Variants in DDX19A observed in about 807,000 individuals in gnomAD.
DDX19A encodes the protein DEAD-box helicase 19A, also known as ATP-dependent RNA helicase DDX19A.
DDX19A carries 12 observed loss-of-function variants against 60.6 expected under a neutral mutation model. That is an observed-to-expected ratio of 0.20 (90% confidence interval 0.13 to 0.32). The LOEUF is 0.32. DDX19A is among the 10% of genes least tolerant of loss of function. The pLI is 1.00. For synonymous variants in DDX19A, 206 were observed against 218.2 expected (o/e 0.94, Z 0.49); for missense variants, 337 against 600.6 (o/e 0.56, Z 4.59).
chr16:70,369,176 T>G (rs959962024), intron 9 of DDX19A, among the ~76,000 whole-genome samples: 3 of 119,296 alleles, frequency 2.5e-5, no homozygotes, highest in East Asian at 2.3e-4. Context: ...CAATCTGGTT[T>G]TTTTTTTTTT....
chr16:70,370,224 C>T lies in DDX19A; in HGVS notation c.1022C>T (p.Thr341Ile), dbSNP rs1198924072. 4.4e-6 allele frequency: 7 copies of T among 1,603,046 alleles called. No individual in the cohort carries two copies. Among genetic ancestry groups the T allele is most frequent in the African/African-American group, 1.4e-5 (1 of 73,858 alleles). ...TIAQAMIFCH[T>I]RKTASWLAAE... ...TCTCAATTGTTTTTTTTCTTCCAGA[C>T]TCGCAAAACAGCTAGTTGGCTGGCA... The change falls in exon 10 of 12, where the codon ACT becomes ATT. Residue 341 changes from threonine to isoleucine, a missense_variant and splice_region_variant. This residue lies in a region of DDX19A where 117 missense variants were observed against 274.3 expected (regional missense o/e 0.43). Transcript: ENST00000302243.
chr16:70,347,367 G>T (rs1341426336), intron 1 of DDX19A: 3 of 413,036 alleles, frequency 7.3e-6, no homozygotes, highest in Non-Finnish European at 1.3e-5. Context: ...TTCATTACGC[G>T]ACTGTTCTTC....
chr16:70,370,181 T>A, intron 9 of DDX19A, 42 bp from the exon 10 acceptor site: 1 of 1,588,962 alleles, frequency 6.3e-7, no homozygotes, highest in Non-Finnish European at 8.5e-7. Flanking sequence ...AAAAAATATA[T>A]ACTCAAATAC....
intron 4 of DDX19A, among the ~76,000 whole-genome samples, chr16:70,360,321 CTT>C (rs1555552998): frequency 4.5e-5 from 6 of 133,472 alleles, no homozygotes; most frequent in Admixed American, 7.7e-5. Context: ...TTCTTTCTTT[CTT>C]TTTTTTTTTT....
rs770451690 is a variant in DDX19A, at chr16:70,372,012, G to T, written c.*26G>T. The T allele has an allele frequency of 6.2e-7, 1 of 1,613,994 alleles. No homozygotes were observed. Among genetic ancestry groups the T allele is most frequent in the East Asian group, 2.2e-5 (1 of 44,886 alleles). On this transcript the variant is annotated 3_prime_UTR_variant, in exon 12 of 12. Transcript: ENST00000302243. ...GAAGCTCCACCAGCCACTGATGCCA[G>T]CCCTGGCACTGCCCCTGCACAGGAG...
rs548919604 is a variant in DDX19A, at chr16:70,353,918, A to C, written c.107-1567A>C. 2.6e-4 allele frequency among the ~76,000 whole-genome samples: 40 copies of C among 151,128 alleles called. 1 individual carries two copies. In the East Asian group the frequency reaches 4.1e-3, roughly 15 times the overall value. On this transcript the variant is annotated intron_variant, in intron 2 of 11. Coordinates refer to ENST00000302243, the MANE Select transcript of DDX19A (RefSeq NM_018332.5). ...TCTGTCTCAAAAAAAAAAAAAAAAA[A>C]CACAGGCTCTTGCTCTGTCACCCAG...
intron 5 of DDX19A, 137 bp downstream of exon 5, chr16:70,361,647 A>T (rs760598037): frequency 1.6e-6 from 1 of 629,882 alleles, no homozygotes; most frequent in Non-Finnish European, 2.8e-6. Flanking sequence ...GCAAGTGCAG[A>T]GAGAATCGGA....
At chr16:70,358,094 A>G (rs1964266230) in intron 4 of DDX19A, among the ~76,000 whole-genome samples, 1 of 151,916 alleles carries the variant, frequency 6.6e-6, no homozygotes, top group Admixed American at 6.6e-5. Context: ...GCAGTGGCAC[A>G]ATCTTGGCTC....
Position 70,356,354 on chromosome 16 carries a change from AT to A in DDX19A, c.293+113del, listed in dbSNP as rs548148267. 1.2e-4 allele frequency: 180 copies of A among 1,510,126 alleles called. 1 individual carries two copies. In the African/African-American group the frequency reaches 2.3e-3, roughly 19 times the overall value. The allele number at this position is 1,510,126 out of a possible 1,614,324, so 93.5% of individuals were successfully genotyped here. On this transcript the variant is annotated intron_variant, in intron 4 of 11. Transcript: ENST00000302243. ...AATTTTACTTTTAAAAATTTAGTGT[AT>A]TTTTTCCTTTTTTTTTTCGAGACAG... is the stretch of plus-strand genomic sequence containing the variant.
At position 70,364,997 on chromosome 16, in the gene DDX19A, C is replaced by A; in HGVS notation, c.490-20C>A. On this transcript the variant is annotated intron_variant, in intron 6 of 11. Transcript: ENST00000302243. ...ACCAAATGGCTCTCCTAAACTCATC[C>A]TTTATGATTTTTCTGTCAGTGTCTG... 6.2e-7 allele frequency: 1 copy of A among 1,603,180 alleles called. No individual in the cohort carries two copies. The highest frequency in any genetic ancestry group is 8.5e-7 in the Non-Finnish European group (1 of 1,170,286).
chr16:70,356,866 C>T (rs1203749283), intron 4 of DDX19A: 6 of 1,274,012 alleles, frequency 4.7e-6, no homozygotes, highest in African/African-American at 3.1e-5. Flanking sequence ...AAAATATTGG[C>T]TGACAGGTGA....
chr16:70,355,819 G>A (rs940514942), intron 3 of DDX19A: 2 of 574,178 alleles, frequency 3.5e-6, no homozygotes, highest in South Asian at 2.2e-5. Flanking sequence ...AAAATGAGCT[G>A]GGTGTGGTAG....
At chr16:70,360,100 G>A (rs1292966962) in intron 4 of DDX19A, among the ~76,000 whole-genome samples, 1 of 151,918 alleles carries the variant, frequency 6.6e-6, no homozygotes, top group Non-Finnish European at 1.5e-5. Context: ...GGCCAACATG[G>A]CGAAACCCTG....
Position 70,358,642 on chromosome 16 carries a change from G to T in DDX19A, c.293+2395G>T, listed in dbSNP as rs71401805. Among the ~76,000 whole-genome samples, 314 of 152,146 alleles carry T rather than the reference G, an allele frequency of 2.1e-3. 2 individuals are homozygous for T. The highest frequency in any genetic ancestry group is 3.6e-3 in the Non-Finnish European group (245 of 67,998). ...GTGGATTGTCTGAGGTCAGGAGTTCGAGACCAGACTGGTCAAAATGATGAA... is the reference window on the plus strand; with the variant it reads ...GTGGATTGTCTGAGGTCAGGAGTTCTAGACCAGACTGGTCAAAATGATGAA... On this transcript the variant is annotated intron_variant, in intron 4 of 11. Transcript: ENST00000302243.
At chr16:70,371,351 C>G in intron 10 of DDX19A, 21 bp from the exon 11 acceptor site, 1 of 1,614,072 alleles carries the variant, frequency 6.2e-7, no homozygotes, top group Non-Finnish European at 8.5e-7. Context: ...TCCTCTCAGC[C>G]TCCAACTCTC....
intron 2 of DDX19A, among the ~76,000 whole-genome samples, chr16:70,353,386 T>C (rs1035920799): frequency 1.3e-5 from 2 of 152,066 alleles, no homozygotes; most frequent in African/African-American, 4.8e-5. Flanking sequence ...AGTGCTAGGA[T>C]TACAGGCACG....
In DDX19A at chr16:70,350,551, A is replaced by C. The variant is rs768176034; in HGVS notation, c.58-6A>C. ...CTTAACTCTGTTTTCTTTTATTTCT[A>C]TTCAGATGACCAATTTGCAGATCAA... On this transcript the variant is annotated splice_region_variant and splice_polypyrimidine_tract_variant and intron_variant, in intron 1 of 11. Transcript: ENST00000302243. 1 of 1,609,748 alleles carries C rather than the reference A, an allele frequency of 6.2e-7. No homozygotes were observed. Among genetic ancestry groups the C allele is most frequent in the East Asian group, 2.2e-5 (1 of 44,796 alleles).
intron 2 of DDX19A, among the ~76,000 whole-genome samples, chr16:70,352,641 T>A (rs1473285521): frequency 7.5e-4 from 112 of 148,624 alleles, no homozygotes; most frequent in Middle Eastern, 3.5e-3. Flanking sequence ...ACGATTTTTT[T>A]TTTTTTTTTT....
chr16:70,366,416 C>T, intron 8 of DDX19A, 154 bp downstream of exon 8: 1 of 1,297,586 alleles, frequency 7.7e-7, no homozygotes, highest in Non-Finnish European at 1.1e-6. Context: ...CAGCGCTGAT[C>T]ACAGTCCCTC....
Sources: gnomAD v4.1 joint callset for allele counts (sites outside exome capture counted in the v4.1 genomes callset) on GRCh38, gnomAD v4.1.1 for gene constraint, gnomAD v4.1.1 regional missense constraint, MANE v1.5 for transcripts, NCBI Gene and HGNC (gene_info 2026-07-23, HGNC 2026-07-21) for gene names.